Variants in RBFOX1 observed in about 807,000 individuals in gnomAD.
RBFOX1 encodes the protein RNA binding protein fox-1 homolog 1.
In RBFOX1, 8 loss-of-function variants were observed where a neutral mutation model predicts 57.7. The observed-to-expected ratio is 0.14, with a 90% CI of 0.08 to 0.25. The LOEUF (loss-of-function observed/expected upper bound fraction) is 0.25. Among genes scored for constraint, RBFOX1 ranks in the 10% least tolerant of loss-of-function variants. The probability of loss-of-function intolerance (pLI) is 1.00; values close to 1 mark genes in which losing one functional copy is unlikely to be tolerated. For synonymous variants in RBFOX1, 326 were observed against 222.4 expected (o/e 1.47, Z -4.15); for missense variants, 611 against 548.5 (o/e 1.11, Z -1.14).
At chr16:6,811,993 C>T (rs1453341571) in intron 3 of RBFOX1, among the ~76,000 whole-genome samples, 2 of 152,118 alleles carry the variant, frequency 1.3e-5, no homozygotes, top group Non-Finnish European at 2.9e-5. Flanking sequence ...TCAGCATGAA[C>T]AGAGGTGGCC....
intron 2 of RBFOX1, among the ~76,000 whole-genome samples, chr16:6,321,373 A>T (rs181916324): frequency 6.6e-6 from 1 of 152,294 alleles, no homozygotes; most frequent in Non-Finnish European, 1.5e-5. Context: ...ACCTAGGCTG[A>T]TACTTAGCTG....
At position 5,893,161 on chromosome 16, in the gene RBFOX1, G is replaced by A. The variant is rs144552094; in HGVS notation, c.351+25826G>A. Among the ~76,000 whole-genome samples, 47 of 152,234 alleles carry A rather than the reference G, an allele frequency of 3.1e-4. No individual in the cohort carries two copies. In the East Asian group the frequency reaches 7.9e-3, roughly 26 times the overall value. On this transcript the variant is annotated intron_variant, in intron 4 of 19. Transcript: ENST00000641259. Reference sequence around the variant, plus strand: ...TCCTTAACATTCTAAATTACTTACCGTGGAATTCAGCTGATGCTCCAGAAG... The same window carrying A: ...TCCTTAACATTCTAAATTACTTACCATGGAATTCAGCTGATGCTCCAGAAG...
intron 2 of RBFOX1, among the ~76,000 whole-genome samples, chr16:5,493,520 A>T (rs1567159613): frequency 6.6e-6 from 1 of 152,230 alleles, no homozygotes; most frequent in Non-Finnish European, 1.5e-5. Context: ...CAGCCTAGCA[A>T]AACTTTGCGA....
intron 3 of RBFOX1, among the ~76,000 whole-genome samples, chr16:5,751,633 C>G (rs1323637442): frequency 6.6e-6 from 1 of 152,168 alleles, no homozygotes; most frequent in African/African-American, 2.4e-5. Flanking sequence ...GCATCAGTCT[C>G]AGGACTACTC....
rs566756924 is a variant in RBFOX1 at position 6,180,766 on chromosome 16, G to A, written c.-126-136229G>A. On this transcript the variant is annotated intron_variant, in intron 1 of 15. Transcript: ENST00000550418. ...TTTTTAGTAGAGATGGGGTTTCACC[G>A]GGTTGGCCAGGCTGGTCTCGAACTC... 6.6e-5 allele frequency among the ~76,000 whole-genome samples: 10 copies of A among 151,976 alleles called. No homozygotes were observed. The South Asian group carries it at 1.0e-3, about 16-fold the overall frequency.
chr16:7,401,417 G>C (rs1597488247), intron 4 of RBFOX1, among the ~76,000 whole-genome samples: 1 of 152,140 alleles, frequency 6.6e-6, no homozygotes, highest in Non-Finnish European at 1.5e-5. Context: ...ATAATGATAG[G>C]TGTTTTGGGA....
At position 5,339,470 on chromosome 16, in the gene RBFOX1, G is replaced by GTTTTTTTTTTTTTTTTTTTTT. The variant is rs560472298; in HGVS notation, c.219+99375_219+99395dup. Among the ~76,000 whole-genome samples the GTTTTTTTTTTTTTTTTTTTTT allele has an allele frequency of 2.1e-3, 84 of 40,888 alleles. 26 individuals carry two copies. The highest frequency in any genetic ancestry group is 2.5e-3 in the Non-Finnish European group (56 of 22,198). 26.8% of individuals were successfully genotyped at this position (40,888 alleles called of 152,430 possible). A position where few individuals can be genotyped will look rare whatever the true frequency, so the allele number is the denominator to read the frequency against. On this transcript the variant is annotated intron_variant, in intron 1 of 2. Coordinates refer to the RBFOX1 transcript ENST00000585867. ...AAAAGCTAGAAGCTGCTTTTTCCGT[G>GTTTTTTTTTTTTTTTTTTTTT]TTTTTTTTTTTTTTTTTTTTTTTTT... is the stretch of plus-strand genomic sequence containing the variant.
At chr16:7,115,361 C>A (rs1045388588) in intron 4 of RBFOX1, among the ~76,000 whole-genome samples, 4 of 152,144 alleles carry the variant, frequency 2.6e-5, no homozygotes, top group African/African-American at 9.7e-5. Flanking sequence ...GAAAGTCCTA[C>A]CTACATAGAG....
chr16:7,626,626 T>C (rs1197390950), intron 10 of RBFOX1, among the ~76,000 whole-genome samples: 1 of 152,150 alleles, frequency 6.6e-6, no homozygotes, highest in Non-Finnish European at 1.5e-5. Flanking sequence ...GAGCCAACTT[T>C]ATAAGAACCA....
chr16:6,967,288 C>T lies in RBFOX1; in HGVS notation c.-15-84769C>T, dbSNP rs200482293. ...CACTCATCATTTCATCATCCATTAT[C>T]CATCCATTATTTATGTATGGATCTG... On this transcript the variant is annotated intron_variant, in intron 3 of 15. Transcript: ENST00000550418. 1.2e-4 allele frequency among the ~76,000 whole-genome samples: 18 copies of T among 152,166 alleles called. 1 individual carries two copies. In the South Asian group the frequency reaches 3.5e-3, roughly 30 times the overall value.
rs566977333 is a variant in RBFOX1 at position 7,180,746 on chromosome 16, C to A, written c.27+128648C>A. 6.0e-5 allele frequency among the ~76,000 whole-genome samples: 9 copies of A among 149,996 alleles called. No homozygotes were observed. The South Asian group carries it at 1.9e-3, about 31-fold the overall frequency. ...AAAAAAAAACCTGCCAGAACATTGG[C>A]TTCAAGGTGAAAATATTTAGGCAAA... is the stretch of plus-strand genomic sequence containing the variant. On this transcript the variant is annotated intron_variant, in intron 4 of 15. Transcript: ENST00000550418.
chr16:5,583,463 C>T (rs373172653), intron 2 of RBFOX1, among the ~76,000 whole-genome samples: 4 of 152,180 alleles, frequency 2.6e-5, no homozygotes, highest in Admixed American at 6.5e-5. Context: ...TAACCAAGCT[C>T]GCTTCTGATT....
At chr16:7,346,411 T>G (rs1451293743) in intron 4 of RBFOX1, among the ~76,000 whole-genome samples, 1 of 151,968 alleles carries the variant, frequency 6.6e-6, no homozygotes, top group Non-Finnish European at 1.5e-5. Flanking sequence ...TTAAGGAGCA[T>G]TTTGTACAGT....
chr16:6,876,490 A>G (rs1358216097), intron 3 of RBFOX1, among the ~76,000 whole-genome samples: 1 of 152,222 alleles, frequency 6.6e-6, no homozygotes, highest in Non-Finnish European at 1.5e-5. Flanking sequence ...TTTTATCTTC[A>G]TCACATAGCG....
At chr16:5,334,372 G>T (rs982524076) in intron 1 of RBFOX1, among the ~76,000 whole-genome samples, 6 of 152,136 alleles carry the variant, frequency 3.9e-5, no homozygotes, top group African/African-American at 1.4e-4. Flanking sequence ...TGATTAAGGG[G>T]AACCTTAAAA....
chr16:5,824,461 G>A (rs184582717), intron 3 of RBFOX1, among the ~76,000 whole-genome samples: 2 of 152,288 alleles, frequency 1.3e-5, no homozygotes, highest in East Asian at 3.9e-4. Context: ...AAAAGCCAGG[G>A]CACATTCCCA....
intron 4 of RBFOX1, among the ~76,000 whole-genome samples, chr16:7,387,637 T>G (rs1337974037): frequency 6.6e-6 from 1 of 152,076 alleles, no homozygotes; most frequent in Non-Finnish European, 1.5e-5. Context: ...CGCTGTGTGT[T>G]TGGAAGAAAG....
At chr16:6,114,552 G>C (rs1020453798) in intron 1 of RBFOX1, among the ~76,000 whole-genome samples, 7 of 137,490 alleles carry the variant, frequency 5.1e-5, no homozygotes, top group African/African-American at 1.3e-4. Flanking sequence ...AGAATCAATG[G>C]CATAAAAGTT....
intron 4 of RBFOX1, among the ~76,000 whole-genome samples, chr16:7,399,957 G>A (rs2098213335): frequency 6.6e-6 from 1 of 152,092 alleles, no homozygotes; most frequent in Admixed American, 6.6e-5. Context: ...CTATGTACCA[G>A]GCATTGTGCT....
Sources: allele counts gnomAD v4.1 joint callset (sites outside exome capture counted in the v4.1 genomes callset), GRCh38; gene constraint gnomAD v4.1.1; transcripts MANE v1.5; gene names NCBI Gene and HGNC (gene_info 2026-07-23, HGNC 2026-07-21).